The following ACVR1C variants were observed in gnomAD, a reference collection of about 807,000 sequenced individuals.
The protein encoded by ACVR1C is activin A receptor type 1C, also known as activin receptor type-1C.
In ACVR1C, 23 loss-of-function variants were observed where a neutral mutation model predicts 57.9. The ratio of observed to expected loss-of-function variants is 0.40; its 90% CI spans 0.29 to 0.56. ACVR1C has a LOEUF of 0.56. Among genes scored for constraint, ACVR1C ranks in the 20% least tolerant of loss-of-function variants. The probability of loss-of-function intolerance (pLI) is 0.50; values close to 1 mark genes in which losing one functional copy is unlikely to be tolerated. For synonymous variants in ACVR1C, 214 were observed against 215.3 expected (o/e 0.99, Z 0.05); for missense variants, 480 against 607.9 (o/e 0.79, Z 2.21).
intron 4 of ACVR1C, 38 bp from the exon 5 acceptor site, chr2:157,544,650 A>C (rs1273363428): frequency 1.3e-6 from 2 of 1,546,786 alleles, no homozygotes; most frequent in African/African-American, 1.4e-5. Context: ...GTAAATACAT[A>C]TTGAGAAAGA....
chr2:157,528,774 CA>C lies in ACVR1C; in HGVS notation c.*5143del, dbSNP rs1405204032. Reference sequence around the variant, plus strand: ...TATATGTTAGCTAAAAGCTAGAATACAAATAACAGCTAGTCTTTTTAGGTTT... The same window carrying C: ...TATATGTTAGCTAAAAGCTAGAATACAATAACAGCTAGTCTTTTTAGGTTT... On this transcript the variant is annotated 3_prime_UTR_variant, in exon 9 of 9. Coordinates refer to ENST00000243349, the MANE Select transcript of ACVR1C (RefSeq NM_145259.3). The C allele has an allele frequency of 6.6e-6, 1 of 152,100 alleles. No individual in the cohort carries two copies. Among genetic ancestry groups the C allele is most frequent in the Non-Finnish European group, 1.5e-5 (1 of 67,982 alleles). The allele number at this position is 152,100 out of a possible 1,614,324, so 9.4% of individuals were successfully genotyped here.
At chr2:157,566,062 G>A (rs1027334124) in intron 2 of ACVR1C, among the ~76,000 whole-genome samples, 1 of 152,160 alleles carries the variant, frequency 6.6e-6, no homozygotes, top group African/African-American at 2.4e-5. Flanking sequence ...CACATACCTA[G>A]CAGAAATGAT....
At chr2:157,534,565 T>A (rs978006031) in intron 8 of ACVR1C, among the ~76,000 whole-genome samples, 9 of 152,024 alleles carry the variant, frequency 5.9e-5, no homozygotes, top group Non-Finnish European at 7.4e-5. Context: ...CGAAAAAAAA[T>A]TCATCAATCT....
At chr2:157,548,223 G>T (rs1255481520) in intron 4 of ACVR1C, among the ~76,000 whole-genome samples, 1 of 150,660 alleles carries the variant, frequency 6.6e-6, no homozygotes, top group Non-Finnish European at 1.5e-5. Flanking sequence ...ACTTACAAGG[G>T]ATGTGAAGGA....
chr2:157,627,167 G>A (rs1682915511), intron 1 of ACVR1C, among the ~76,000 whole-genome samples: 1 of 152,150 alleles, frequency 6.6e-6, no homozygotes, highest in Non-Finnish European at 1.5e-5. Context: ...ACAGCCTCCA[G>A]AGGCAGTTTC....
In ACVR1C at chr2:157,573,192, AC is replaced by A. The variant is rs563857826; in HGVS notation, c.304+13994del. 6.6e-5 allele frequency among the ~76,000 whole-genome samples: 10 copies of A among 152,222 alleles called. No individual in the cohort carries two copies. The East Asian group carries it at 1.9e-3, about 29-fold the overall frequency. On this transcript the variant is annotated intron_variant, in intron 2 of 8. Coordinates refer to ENST00000243349, the MANE Select transcript of ACVR1C (RefSeq NM_145259.3). Reference sequence around the variant, plus strand: ...GCAGTTTATCTTCTTTCAAATGCAAACCTTTGGTTTGGTTTAAAAAGTCTAA... The same window carrying A: ...GCAGTTTATCTTCTTTCAAATGCAAACTTTGGTTTGGTTTAAAAAGTCTAA...
intron 1 of ACVR1C, among the ~76,000 whole-genome samples, chr2:157,590,087 A>G (rs1283780365): frequency 6.6e-6 from 1 of 152,074 alleles, no homozygotes; most frequent in Admixed American, 6.6e-5. Context: ...CTAGAAGAAA[A>G]CCTACAAACT....
chr2:157,613,556 T>C (rs1322115077), intron 1 of ACVR1C, among the ~76,000 whole-genome samples: 2 of 152,336 alleles, frequency 1.3e-5, no homozygotes, highest in East Asian at 3.9e-4. Flanking sequence ...TAGGTTTACT[T>C]TAAATTATTT....
intron 1 of ACVR1C, among the ~76,000 whole-genome samples, chr2:157,614,995 T>C (rs1378852459): frequency 1.3e-5 from 2 of 152,324 alleles, no homozygotes; most frequent in Non-Finnish European, 2.9e-5. Context: ...CCATTTACAT[T>C]TAATGTAATT....
intron 1 of ACVR1C, among the ~76,000 whole-genome samples, chr2:157,600,279 G>T (rs1170187990): frequency 6.6e-6 from 1 of 152,152 alleles, no homozygotes; most frequent in African/African-American, 2.4e-5. Flanking sequence ...AACCAAATGA[G>T]AAAAGAGCAG....
At chr2:157,592,741 A>G (rs1051845913) in intron 1 of ACVR1C, among the ~76,000 whole-genome samples, 12 of 152,268 alleles carry the variant, frequency 7.9e-5, no homozygotes, top group African/African-American at 2.9e-4. Flanking sequence ...CAATTACAAT[A>G]TAAGTTGCCA....
At chr2:157,620,522 T>A (rs1558999619) in intron 1 of ACVR1C, among the ~76,000 whole-genome samples, 1 of 152,162 alleles carries the variant, frequency 6.6e-6, no homozygotes, top group Non-Finnish European at 1.5e-5. Flanking sequence ...CTGGTTTTTT[T>A]AAGCTGTAGT....
intron 1 of ACVR1C, 54 bp from the exon 2 acceptor site, chr2:157,587,471 A>G (rs114710047): frequency 1.6e-6 from 2 of 1,257,588 alleles, no homozygotes; most frequent in Non-Finnish European, 2.3e-6. Flanking sequence ...ATGCTACTTT[A>G]TTTGATAATA....
At chr2:157,541,008 T>C (rs2105205982) in intron 7 of ACVR1C, 82 bp downstream of exon 7, 1 of 1,481,724 alleles carries the variant, frequency 6.7e-7, no homozygotes, top group East Asian at 2.3e-5. Context: ...ATATAGTGCT[T>C]AGGGGAAAAA....
At chr2:157,542,156 G>A (rs1162632541) in intron 6 of ACVR1C, among the ~76,000 whole-genome samples, 2 of 152,046 alleles carry the variant, frequency 1.3e-5, no homozygotes. Context: ...TATCAATTTG[G>A]GAGATTTAAT....
At position 157,530,055 on chromosome 2, in the gene ACVR1C, A is replaced by C. The variant is rs552015251; in HGVS notation, c.*3863T>G. The C allele has an allele frequency of 2.0e-5, 3 of 152,262 alleles. No individual in the cohort carries two copies. Among genetic ancestry groups the C allele is most frequent in the Admixed American group, 6.6e-5 (1 of 15,256 alleles). 9.4% of individuals were successfully genotyped at this position (152,262 alleles called of 1,614,324 possible). On this transcript the variant is annotated 3_prime_UTR_variant, in exon 9 of 9. Coordinates refer to ENST00000243349, the MANE Select transcript of ACVR1C (RefSeq NM_145259.3). ...AAACAGAAATAGTATGTTTCACAAA[A>C]GATGTTTAAAATATCTTTGAAAACC...
chr2:157,589,285 G>C (rs899872928), intron 1 of ACVR1C, among the ~76,000 whole-genome samples: 1 of 151,918 alleles, frequency 6.6e-6, no homozygotes, highest in Non-Finnish European at 1.5e-5. Context: ...CTGCTGATTA[G>C]TGATGTTGAA....
chr2:157,594,326 C>G (rs557226301), intron 1 of ACVR1C, among the ~76,000 whole-genome samples: 46 of 151,988 alleles, frequency 3.0e-4, no homozygotes, highest in Non-Finnish European at 6.2e-4. Context: ...TTCTAAAGAC[C>G]CCTCCAGGTC....
intron 1 of ACVR1C, among the ~76,000 whole-genome samples, chr2:157,593,947 T>C (rs1187467371): frequency 6.6e-6 from 1 of 152,056 alleles, no homozygotes; most frequent in Non-Finnish European, 1.5e-5. Flanking sequence ...ACTCCACAAA[T>C]AAGGGAAAAC....
Sources: allele counts gnomAD v4.1 joint callset (sites outside exome capture counted in the v4.1 genomes callset), GRCh38; gene constraint gnomAD v4.1.1; transcripts MANE v1.5; gene names NCBI Gene and HGNC (gene_info 2026-07-23, HGNC 2026-07-21).